MAPK6: variants seen among roughly 807,000 people sequenced by gnomAD.
MAPK6 encodes the protein ERK-3.
A neutral mutation model predicts 59.3 loss-of-function variants in MAPK6; 19 were observed. The observed-to-expected ratio is 0.32, with a 90% CI of 0.22 to 0.47. The LOEUF is 0.47. MAPK6 is among the 20% of genes least tolerant of loss of function. The probability of loss-of-function intolerance (pLI) is 1.00; values close to 1 mark genes in which losing one functional copy is unlikely to be tolerated. For missense variants in MAPK6, 724 were observed against 847.9 expected, an observed-to-expected ratio of 0.85 and a Z score of 1.81; for synonymous variants, 316 against 290.3, an observed-to-expected ratio of 1.09 and a Z score of -0.90.
At chr15:52,054,741 C>CAT (rs1456273274) in intron 3 of MAPK6, among the ~76,000 whole-genome samples, 1 of 150,550 alleles carries the variant, frequency 6.6e-6, no homozygotes, top group African/African-American at 2.5e-5. Context: ...CACACACACA[C>CAT]ACACACACAT....
intron 2 of MAPK6, 66 bp from the exon 3 acceptor site, chr15:52,049,927 T>C (rs927884595): frequency 2.1e-6 from 3 of 1,423,848 alleles, no homozygotes; most frequent in Non-Finnish European, 2.9e-6. Context: ...AAGGATTCTT[T>C]AATCAAGTTG....
chr15:52,008,534 G>C (rs2029971539), intron 3 of MAPK6, among the ~76,000 whole-genome samples: 1 of 152,152 alleles, frequency 6.6e-6, no homozygotes, highest in Non-Finnish European at 1.5e-5. Context: ...ACATGAACAG[G>C]GTGGCAGGAA....
At chr15:52,022,433 C>T (rs1483759507) in intron 1 of MAPK6, among the ~76,000 whole-genome samples, 1 of 151,868 alleles carries the variant, frequency 6.6e-6, no homozygotes, top group Non-Finnish European at 1.5e-5. Context: ...GCTAGTTTTT[C>T]GTATTTTTTG....
intron 2 of MAPK6, among the ~76,000 whole-genome samples, chr15:51,992,032 C>T (rs1009665147): frequency 1.3e-3 from 194 of 152,238 alleles, no homozygotes; most frequent in African/African-American, 4.5e-3. Context: ...TCACAGTTCA[C>T]TGCAGCCTCG....
At chr15:52,062,659 G>A (rs896274479) in intron 5 of MAPK6, among the ~76,000 whole-genome samples, 13 of 152,130 alleles carry the variant, frequency 8.5e-5, no homozygotes, top group Admixed American at 7.2e-4. Context: ...CAGCTACTCA[G>A]GAGGCTGAGG....
intron 1 of MAPK6, among the ~76,000 whole-genome samples, chr15:52,041,648 G>A (rs1209612531): frequency 3.3e-5 from 5 of 152,222 alleles, no homozygotes; most frequent in African/African-American, 9.7e-5. Context: ...CGTGATTGAT[G>A]TGAAAGTTGG....
chr15:52,053,742 C>T (rs2031865970), intron 3 of MAPK6, among the ~76,000 whole-genome samples: 2 of 151,792 alleles, frequency 1.3e-5, no homozygotes, highest in African/African-American at 2.4e-5. Flanking sequence ...TGGGTTCAAG[C>T]AATTCTCCTC....
intron 2 of MAPK6, among the ~76,000 whole-genome samples, chr15:51,992,392 C>G (rs2057212644): frequency 6.6e-6 from 1 of 150,718 alleles, no homozygotes; most frequent in South Asian, 2.1e-4. Context: ...AGCTCTGCCT[C>G]CCAGGTTCAC....
chr15:52,017,272 T>C (rs1448504614), upstream of MAPK6: 1 of 152,096 alleles, frequency 6.6e-6, no homozygotes, highest in Non-Finnish European at 1.5e-5. Flanking sequence ...TTACAGGTTT[T>C]GGGATAGGCA....
At chr15:52,059,998 C>A in intron 4 of MAPK6, among the ~76,000 whole-genome samples, 1 of 152,264 alleles carries the variant, frequency 6.6e-6, no homozygotes, top group East Asian at 1.9e-4. Context: ...TCTGAGTGAA[C>A]GTATAAGACT....
intron 1 of MAPK6, among the ~76,000 whole-genome samples, chr15:52,030,723 T>TC (rs1401174377): frequency 6.7e-6 from 1 of 148,614 alleles, no homozygotes; most frequent in Non-Finnish European, 1.5e-5. Flanking sequence ...GCTTCCCAGG[T>TC]TCAAGGGATT....
chr15:52,036,813 C>T (rs757527739), intron 1 of MAPK6, among the ~76,000 whole-genome samples: 15 of 151,246 alleles, frequency 9.9e-5, no homozygotes, highest in Non-Finnish European at 2.1e-4. Context: ...CCTTTCTTTC[C>T]CTCCCCTCCT....
intron 3 of MAPK6, among the ~76,000 whole-genome samples, chr15:52,052,970 A>G (rs939200961): frequency 1.3e-5 from 2 of 152,140 alleles, no homozygotes; most frequent in Non-Finnish European, 1.5e-5. Context: ...TTCCCAGCGC[A>G]GCTGTACCAT....
At chr15:52,031,708 G>A (rs149257646) in intron 1 of MAPK6, among the ~76,000 whole-genome samples, 6 of 152,166 alleles carry the variant, frequency 3.9e-5, no homozygotes, top group African/African-American at 1.4e-4. Flanking sequence ...CACCTTGCAC[G>A]GTGGTCATAG....
At chr15:52,007,415 G>A (rs1251075080) in intron 3 of MAPK6, among the ~76,000 whole-genome samples, 1 of 152,180 alleles carries the variant, frequency 6.6e-6, no homozygotes, top group Non-Finnish European at 1.5e-5. Context: ...TGCTAAGCTA[G>A]TTAAGAAGAC....
intron 1 of MAPK6, among the ~76,000 whole-genome samples, chr15:52,025,736 G>C (rs756001329): frequency 3.3e-5 from 5 of 152,146 alleles, no homozygotes; most frequent in Non-Finnish European, 7.3e-5. Context: ...GGCGGAGCTT[G>C]CAGTGAGCGC....
At chr15:52,026,924 C>T (rs1398739544) in intron 1 of MAPK6, among the ~76,000 whole-genome samples, 1 of 151,054 alleles carries the variant, frequency 6.6e-6, no homozygotes, top group Non-Finnish European at 1.5e-5. Flanking sequence ...GTGGTGCATA[C>T]CTGTACTCCC....
chr15:52,055,103 C>A (rs1479877479), intron 3 of MAPK6, among the ~76,000 whole-genome samples: 1 of 152,174 alleles, frequency 6.6e-6, no homozygotes, highest in Non-Finnish European at 1.5e-5. Flanking sequence ...TTAAAGCCAC[C>A]ACAGTAACGA....
At chr15:52,010,846 A>G (rs566660450) in intron 3 of MAPK6, among the ~76,000 whole-genome samples, 1 of 152,314 alleles carries the variant, frequency 6.6e-6, no homozygotes, top group African/African-American at 2.4e-5. Context: ...GCCCCATCCA[A>G]TTAAATGTGG....
Sources: gnomAD v4.1 joint callset for allele counts (sites outside exome capture counted in the v4.1 genomes callset) on GRCh38, gnomAD v4.1.1 for gene constraint, MANE v1.5 for transcripts, NCBI Gene and HGNC (gene_info 2026-07-23, HGNC 2026-07-21) for gene names.